Variants in ENTPD3 observed in about 807,000 individuals in gnomAD.
The protein encoded by ENTPD3 is CD39 antigen-like 3.
ENTPD3 carries 60 observed loss-of-function variants against 51.2 expected under a neutral mutation model. That is an observed-to-expected ratio of 1.17 (90% CI 0.95 to 1.45). The LOEUF (loss-of-function observed/expected upper bound fraction) is 1.45, where lower values mean the gene tolerates loss of function less well. Among genes scored for constraint, ENTPD3 ranks in the 40% most tolerant of loss-of-function variants. The probability of loss-of-function intolerance (pLI) is 0.00; values close to 1 mark genes in which losing one functional copy is unlikely to be tolerated. For missense variants in ENTPD3, 593 were observed against 641.1 expected (o/e 0.93, Z 0.81); for synonymous variants, 221 against 238.4 (o/e 0.93, Z 0.67).
intron 2 of ENTPD3, 92 bp downstream of exon 2, chr3:40,388,189 C>A (rs897019430): frequency 1.7e-6 from 2 of 1,160,458 alleles, no homozygotes; most frequent in South Asian, 2.5e-5. Flanking sequence ...ATATCCCCTG[C>A]AAATGATTGT....
intron 2 of ENTPD3, among the ~76,000 whole-genome samples, chr3:40,388,587 C>G (rs201750617): frequency 1.1e-5 from 1 of 90,906 alleles, no homozygotes; most frequent in East Asian, 3.0e-4. Flanking sequence ...CACACACAGA[C>G]ACACACACAC....
At chr3:40,400,827 C>T in intron 3 of ENTPD3, 67 bp from the exon 4 acceptor site, 1 of 1,158,220 alleles carries the variant, frequency 8.6e-7, no homozygotes, top group Non-Finnish European at 1.3e-6. Flanking sequence ...TTCTCAGTGG[C>T]CCACTGAGAA....
rs200547677 is a variant in ENTPD3 at position 40,392,581 on chromosome 3, A to G, written c.168+431A>G. On this transcript the variant is annotated intron_variant, in intron 3 of 10. Coordinates refer to ENST00000301825, the MANE Select transcript of ENTPD3 (RefSeq NM_001248.4). The stretch of plus-strand genomic sequence containing the variant: ...GGTGAAACCCATCTCTATCAAAAAA[A>G]AAAAAAAAAAATTTACCGGTTAGTG... 3.0e-3 allele frequency: 449 copies of G among 147,434 alleles called. 3 individuals carry two copies. In the South Asian group the frequency reaches 0.034, roughly 11 times the overall value. The allele number at this position is 147,434 out of a possible 1,614,324, so 9.1% of individuals were successfully genotyped here.
At chr3:40,405,278 G>A (rs1955463515) in intron 4 of ENTPD3, among the ~76,000 whole-genome samples, 1 of 152,130 alleles carries the variant, frequency 6.6e-6, no homozygotes, top group African/African-American at 2.4e-5. Context: ...GGTGAGGCGG[G>A]TGGATCACCT....
At chr3:40,388,337 T>G (rs564547558) in intron 2 of ENTPD3, among the ~76,000 whole-genome samples, 1 of 152,242 alleles carries the variant, frequency 6.6e-6, no homozygotes, top group East Asian at 1.9e-4. Flanking sequence ...TTTTCCGGTT[T>G]GTATAATCCA....
chr3:40,407,541 T>C (rs1281543584), intron 4 of ENTPD3, among the ~76,000 whole-genome samples: 1 of 151,976 alleles, frequency 6.6e-6, no homozygotes, highest in East Asian at 1.9e-4. Context: ...TGATGTGGAG[T>C]TGTCAGATAG....
intron 4 of ENTPD3, among the ~76,000 whole-genome samples, chr3:40,406,279 T>C (rs1024774661): frequency 6.6e-6 from 1 of 152,126 alleles, no homozygotes; most frequent in Non-Finnish European, 1.5e-5. Flanking sequence ...GCATGGAAGC[T>C]GCTCAGCATT....
At chr3:40,414,087 G>A (rs1955691248) in intron 5 of ENTPD3, among the ~76,000 whole-genome samples, 1 of 152,170 alleles carries the variant, frequency 6.6e-6, no homozygotes, top group Non-Finnish European at 1.5e-5. Context: ...TCTGTCACCA[G>A]GGATAGAATG....
At chr3:40,422,707 A>G in intron 7 of ENTPD3, 143 bp from the exon 8 acceptor site, 5 of 639,604 alleles carry the variant, frequency 7.8e-6, no homozygotes, top group Non-Finnish European at 1.3e-5. Context: ...TTATGGCTTC[A>G]TAGTATTCCA....
intron 7 of ENTPD3, among the ~76,000 whole-genome samples, chr3:40,421,225 T>C (rs1410340112): frequency 6.6e-6 from 1 of 151,868 alleles, no homozygotes; most frequent in East Asian, 1.9e-4. Context: ...GGTTTCACCA[T>C]GTTGCCCAGG....
rs1955708805 is a variant in ENTPD3, at chr3:40,414,851, A to G, written c.597+11A>G. 2 of 1,613,790 alleles carry G rather than the reference A, an allele frequency of 1.2e-6. No homozygotes were observed. The highest frequency in any genetic ancestry group is 1.3e-5 in the African/African-American group (1 of 75,006). On this transcript the variant is annotated intron_variant, in intron 6 of 10. Coordinates refer to ENST00000301825, the MANE Select transcript of ENTPD3 (RefSeq NM_001248.4). Reference sequence around the variant, plus strand: ...GGAAATTTCCTGGAGGTGTGTGCAAACAAATGCATGGTTTTTAATCTTACT... The same window carrying G: ...GGAAATTTCCTGGAGGTGTGTGCAAGCAAATGCATGGTTTTTAATCTTACT...
At chr3:40,426,715 T>G (rs9873394) in intron 10 of ENTPD3, among the ~76,000 whole-genome samples, 24,124 of 152,066 alleles carry the variant, frequency 0.16, 5,402 homozygotes, top group African/African-American at 0.5. Flanking sequence ...GGCAAAGCAG[T>G]CTTTAAGACC....
chr3:40,403,194 T>C (rs1044546480), intron 4 of ENTPD3, among the ~76,000 whole-genome samples: 8 of 152,142 alleles, frequency 5.3e-5, no homozygotes, highest in Non-Finnish European at 1.2e-4. Flanking sequence ...TCAGAGTGAA[T>C]TCTGATCATC....
At chr3:40,424,248 C>A in intron 10 of ENTPD3, 1 of 768,416 alleles carries the variant, frequency 1.3e-6, no homozygotes, top group Non-Finnish European at 1.6e-6. Flanking sequence ...TCCCAGCACT[C>A]TGCACAAGGA....
Position 40,404,937 on chromosome 3 carries a change from C to A in ENTPD3, c.286+3926C>A, listed in dbSNP as rs143792569. ...GCTACTGTTTTCCATGAGTTCATTG[C>A]CTTTGCTGGCGGTTTCTGTGCTGGT... On this transcript the variant is annotated intron_variant, in intron 4 of 10. Transcript: ENST00000301825. Among the ~76,000 whole-genome samples, 820 of 152,234 alleles carry A rather than the reference C, an allele frequency of 5.4e-3. 5 individuals are homozygous for A. The highest frequency in any genetic ancestry group is 0.035 in the South Asian group (167 of 4,818).
At chr3:40,426,145 G>T (rs1342329388) in intron 10 of ENTPD3, among the ~76,000 whole-genome samples, 4 of 122,008 alleles carry the variant, frequency 3.3e-5, no homozygotes, top group African/African-American at 1.2e-4. Context: ...GTCTCGCTCT[G>T]TCGCCTAGGC....
At chr3:40,389,300 A>G (rs1387813536) in intron 2 of ENTPD3, among the ~76,000 whole-genome samples, 1 of 152,222 alleles carries the variant, frequency 6.6e-6, no homozygotes, top group Admixed American at 6.5e-5. Flanking sequence ...AGCTAATGCA[A>G]AAGTTTGCCT....
At chr3:40,403,648 C>T (rs1030401695) in intron 4 of ENTPD3, among the ~76,000 whole-genome samples, 9 of 141,116 alleles carry the variant, frequency 6.4e-5, no homozygotes, top group Non-Finnish European at 1.1e-4. Flanking sequence ...GGATATTTTC[C>T]TTTAATTTTT....
At chr3:40,398,948 G>C (rs533200007) in intron 3 of ENTPD3, among the ~76,000 whole-genome samples, 9 of 152,286 alleles carry the variant, frequency 5.9e-5, no homozygotes, top group Non-Finnish European at 1.3e-4. Flanking sequence ...GCCAGATGCG[G>C]TAGCTCATCC....
Sources: allele counts gnomAD v4.1 joint callset (sites outside exome capture counted in the v4.1 genomes callset), GRCh38; gene constraint gnomAD v4.1.1; transcripts MANE v1.5; gene names NCBI Gene and HGNC (gene_info 2026-07-23, HGNC 2026-07-21).